PDE4D: variants seen among roughly 807,000 people sequenced by gnomAD.
PDE4D encodes 3',5'-cyclic-AMP phosphodiesterase 4D.
PDE4D carries 24 observed loss-of-function variants against 87.4 expected under a neutral mutation model. The ratio of observed to expected loss-of-function variants is 0.27; its 90% confidence interval spans 0.20 to 0.39. The LOEUF (loss-of-function observed/expected upper bound fraction) is 0.39, where lower values mean the gene tolerates loss of function less well. Ranked by LOEUF, PDE4D falls within the 10% of genes least tolerant of loss-of-function variation. PDE4D has a pLI of 1.00. For synonymous variants in PDE4D, 384 were observed against 383.2 expected (o/e 1.00, Z -0.02); for missense variants, 714 against 1,041.0 (o/e 0.69, Z 4.32).
chr5:59,145,867 C>T (rs1244697159), intron 5 of PDE4D, among the ~76,000 whole-genome samples: 2 of 152,196 alleles, frequency 1.3e-5, no homozygotes, highest in African/African-American at 4.8e-5. Flanking sequence ...TGGCTCATGC[C>T]TGTAATCCCA....
chr5:59,248,042 T>TAAAA (rs70975306), intron 1 of PDE4D, among the ~76,000 whole-genome samples: 3 of 37,524 alleles, frequency 8.0e-5, no homozygotes, highest in African/African-American at 4.0e-4. Context: ...TATCTATTAG[T>TAAAA]AAAAAAAAAA....
intron 1 of PDE4D, among the ~76,000 whole-genome samples, chr5:60,403,062 C>A (rs1008597315): frequency 6.6e-6 from 1 of 152,136 alleles, no homozygotes; most frequent in African/African-American, 2.4e-5. Flanking sequence ...AATAGGAAAT[C>A]TGAGGTCAAG....
chr5:59,378,118 A>G (rs557154124), intron 1 of PDE4D, among the ~76,000 whole-genome samples: 1 of 152,336 alleles, frequency 6.6e-6, no homozygotes, highest in Admixed American at 6.5e-5. Context: ...GAATGAGATC[A>G]TGTCCTTTGC....
chr5:60,378,074 T>C (rs1761563929), intron 1 of PDE4D, among the ~76,000 whole-genome samples: 2 of 152,158 alleles, frequency 1.3e-5, no homozygotes, highest in Non-Finnish European at 2.9e-5. Context: ...AATTGCCCAG[T>C]TGGATATGAA....
intron 1 of PDE4D, among the ~76,000 whole-genome samples, chr5:59,888,147 T>A (rs983386693): frequency 6.6e-6 from 1 of 152,248 alleles, no homozygotes; most frequent in Non-Finnish European, 1.5e-5. Context: ...CTTGTTGATG[T>A]GGTCAATTAC....
At chr5:59,813,867 C>T (rs1165920396) in intron 1 of PDE4D, among the ~76,000 whole-genome samples, 1 of 152,132 alleles carries the variant, frequency 6.6e-6, no homozygotes, top group Non-Finnish European at 1.5e-5. Flanking sequence ...CTCAGGGAGG[C>T]ACTATAGGTC....
Position 59,355,390 on chromosome 5 carries a change from A to G in PDE4D, c.456-139422T>C, listed in dbSNP as rs554120555. ...TTTATTCAGCAGCTGGAGATTTATG[A>G]TATTAAGGAGCTTGTTATCAGATCT... On this transcript the variant is annotated intron_variant, in intron 1 of 14. Transcript: ENST00000340635. Among the ~76,000 whole-genome samples the G allele has an allele frequency of 3.3e-5, 5 of 152,282 alleles. No homozygotes were observed. The South Asian group carries it at 1.0e-3, about 32-fold the overall frequency.
At chr5:59,126,904 G>A (rs1286378026) in intron 5 of PDE4D, among the ~76,000 whole-genome samples, 1 of 152,176 alleles carries the variant, frequency 6.6e-6, no homozygotes, top group African/African-American at 2.4e-5. Flanking sequence ...GGCGGTGGGT[G>A]GAGAGTTAGA....
At chr5:59,935,629 A>G (rs2152793435) in intron 3 of PDE4D, among the ~76,000 whole-genome samples, 1 of 152,314 alleles carries the variant, frequency 6.6e-6, no homozygotes, top group Admixed American at 6.5e-5. Flanking sequence ...ATGGGTAGAT[A>G]AAAACAAAAA....
chr5:59,719,289 A>G (rs1270797512), intron 1 of PDE4D, among the ~76,000 whole-genome samples: 2 of 152,128 alleles, frequency 1.3e-5, no homozygotes, highest in East Asian at 3.9e-4. Context: ...CAAGCTACCA[A>G]TGTGATGGCC....
In PDE4D at chr5:60,349,900, A is replaced by G. The variant is rs889090916; in HGVS notation, c.-90+138042T>C. Among the ~76,000 whole-genome samples the G allele has an allele frequency of 3.3e-4, 51 of 152,284 alleles. 1 individual carries two copies. The highest frequency in any genetic ancestry group is 6.2e-4 in the Non-Finnish European group (42 of 68,018). On this transcript the variant is annotated intron_variant, in intron 1 of 16. Coordinates refer to the PDE4D transcript ENST00000502484. Reference sequence around the variant, plus strand: ...AGTGGATTGGGAAGCAATTGTGTATACTTCTTGTTTAAAACAATGTAATGC... The same window carrying G: ...AGTGGATTGGGAAGCAATTGTGTATGCTTCTTGTTTAAAACAATGTAATGC...
At chr5:59,881,960 G>C (rs918752500) in intron 1 of PDE4D, among the ~76,000 whole-genome samples, 1 of 152,180 alleles carries the variant, frequency 6.6e-6, no homozygotes, top group African/African-American at 2.4e-5. Flanking sequence ...ATTTCAGGCA[G>C]AGGAAACAAG....
chr5:60,126,689 G>A (rs1278551962), intron 2 of PDE4D, among the ~76,000 whole-genome samples: 1 of 152,066 alleles, frequency 6.6e-6, no homozygotes, highest in African/African-American at 2.4e-5. Flanking sequence ...TTAAACACTA[G>A]CCATTAACAG....
chr5:60,360,393 C>A (rs977856834), intron 1 of PDE4D, among the ~76,000 whole-genome samples: 9 of 152,144 alleles, frequency 5.9e-5, no homozygotes, highest in Non-Finnish European at 1.2e-4. Context: ...AACTAAAATG[C>A]AATTGCTTTT....
chr5:59,361,652 T>C (rs898047512), intron 1 of PDE4D, among the ~76,000 whole-genome samples: 9 of 152,158 alleles, frequency 5.9e-5, no homozygotes, highest in Admixed American at 5.9e-4. Context: ...TGTCATCACA[T>C]TAGTAATGAC....
chr5:60,283,751 A>G (rs1208392491), intron 1 of PDE4D, among the ~76,000 whole-genome samples: 1 of 152,198 alleles, frequency 6.6e-6, no homozygotes, highest in African/African-American at 2.4e-5. Flanking sequence ...CAGGGCCTGT[A>G]AAATGTGCCA....
At chr5:60,254,354 C>T (rs1358358512) in intron 1 of PDE4D, among the ~76,000 whole-genome samples, 1 of 151,884 alleles carries the variant, frequency 6.6e-6, no homozygotes, top group East Asian at 1.9e-4. Context: ...ATTAGAAATA[C>T]GTTGTTCTGT....
intron 1 of PDE4D, among the ~76,000 whole-genome samples, chr5:59,310,623 C>G (rs1390125524): frequency 6.6e-6 from 1 of 152,202 alleles, no homozygotes; most frequent in African/African-American, 2.4e-5. Context: ...TTCCTCTACA[C>G]TGAGAAGACT....
chr5:59,729,673 A>G (rs753226954), intron 1 of PDE4D, among the ~76,000 whole-genome samples: 32 of 152,202 alleles, frequency 2.1e-4, no homozygotes, highest in Middle Eastern at 6.8e-3. Context: ...CTAAGAAAAT[A>G]CCTACGAAAG....
Sources: gnomAD v4.1 joint callset for allele counts (sites outside exome capture counted in the v4.1 genomes callset) on GRCh38, gnomAD v4.1.1 for gene constraint, MANE v1.5 for transcripts, NCBI Gene and HGNC (gene_info 2026-07-23, HGNC 2026-07-21) for gene names.